Variants in CSMD1 observed in about 807,000 individuals in gnomAD.
CSMD1 encodes CUB and sushi domain-containing protein 1.
A neutral mutation model predicts 417.5 loss-of-function variants in CSMD1; 213 were observed. The observed-to-expected ratio is 0.51, with a 90% CI of 0.46 to 0.57. CSMD1 has a LOEUF of 0.57. CSMD1 is among the 20% of genes least tolerant of loss of function. The pLI, the probability that CSMD1 is intolerant of heterozygous loss-of-function variation, is 0.00. For synonymous variants in CSMD1, 2,862 were observed against 1,736.8 expected (o/e 1.65, Z -16.11); for missense variants, 6,923 against 4,529.7 (o/e 1.53, Z -15.17).
intron 1 of CSMD1, among the ~76,000 whole-genome samples, chr8:4,839,111 C>G (rs929942425): frequency 4.6e-5 from 7 of 152,156 alleles, no homozygotes; most frequent in Admixed American, 2.6e-4. Flanking sequence ...TTTCCCACCT[C>G]AAACTCCACG....
At chr8:4,632,973 A>T (rs1036703600) in intron 2 of CSMD1, among the ~76,000 whole-genome samples, 2 of 152,180 alleles carry the variant, frequency 1.3e-5, no homozygotes, top group African/African-American at 4.8e-5. Context: ...TGAAGGACAG[A>T]ATGCAGTTTG....
chr8:4,559,629 C>CT (rs1798240882), intron 2 of CSMD1, among the ~76,000 whole-genome samples: 1 of 152,180 alleles, frequency 6.6e-6, no homozygotes, highest in African/African-American at 2.4e-5. Flanking sequence ...TATAACCAAG[C>CT]ATATAATAAA....
intron 3 of CSMD1, among the ~76,000 whole-genome samples, chr8:4,169,082 C>G (rs955417035): frequency 6.6e-6 from 1 of 152,186 alleles, no homozygotes; most frequent in Admixed American, 6.5e-5. Context: ...TACCTGTAAG[C>G]CTGCTGGCTT....
chr8:4,951,086 T>A (rs866367170), intron 1 of CSMD1, among the ~76,000 whole-genome samples: 1 of 151,474 alleles, frequency 6.6e-6, no homozygotes, highest in Non-Finnish European at 1.5e-5. Context: ...AAGAATGAGA[T>A]TTAGACAATG....
At chr8:3,322,114 T>G (rs968809085) in intron 23 of CSMD1, among the ~76,000 whole-genome samples, 1 of 152,228 alleles carries the variant, frequency 6.6e-6, no homozygotes, top group Non-Finnish European at 1.5e-5. Context: ...TTCAGTGTTA[T>G]GAATACCAAA....
intron 3 of CSMD1, among the ~76,000 whole-genome samples, chr8:4,131,656 T>A (rs145889020): frequency 1.1e-4 from 17 of 152,064 alleles, no homozygotes; most frequent in African/African-American, 3.9e-4. Context: ...TAAATAAAAC[T>A]TAAAATGTTA....
intron 12 of CSMD1, among the ~76,000 whole-genome samples, chr8:3,441,809 C>A (rs1343752265): frequency 1.3e-5 from 2 of 150,434 alleles, no homozygotes; most frequent in Non-Finnish European, 1.5e-5. Flanking sequence ...GCTATACTAT[C>A]CATCACTGTT....
intron 5 of CSMD1, among the ~76,000 whole-genome samples, chr8:3,857,060 C>T (rs534475240): frequency 6.6e-6 from 1 of 151,854 alleles, no homozygotes; most frequent in African/African-American, 2.4e-5. Flanking sequence ...ATATCCCACA[C>T]TTACTTCAGG....
At position 4,666,125 on chromosome 8, in the gene CSMD1, C is replaced by A. The variant is rs374227644; in HGVS notation, c.86-28567G>T. ...GTGGTGACTGGGGGGCGCTGAGCAT[C>A]TTCTGATGTGCCTGTCATACAGCAC... On this transcript the variant is annotated intron_variant, in intron 1 of 69. Transcript: ENST00000635120. Among the ~76,000 whole-genome samples the A allele has an allele frequency of 2.6e-5, 4 of 152,214 alleles. No individual in the cohort carries two copies. The East Asian group carries it at 5.8e-4, about 22-fold the overall frequency.
At chr8:4,903,159 T>C (rs540811907) in intron 1 of CSMD1, among the ~76,000 whole-genome samples, 3 of 152,298 alleles carry the variant, frequency 2.0e-5, no homozygotes, top group East Asian at 3.9e-4. Flanking sequence ...TTGAACAGTT[T>C]GTAATGCAAT....
At chr8:3,065,520 G>A (rs985391676) in intron 49 of CSMD1, among the ~76,000 whole-genome samples, 1 of 152,128 alleles carries the variant, frequency 6.6e-6, no homozygotes, top group South Asian at 2.1e-4. Context: ...AAGATGATAG[G>A]AAGATGGATA....
At chr8:3,399,720 C>T (rs1470151582) in intron 15 of CSMD1, among the ~76,000 whole-genome samples, 191 bp from the exon 16 acceptor site, 5 of 152,200 alleles carry the variant, frequency 3.3e-5, no homozygotes, top group Non-Finnish European at 7.3e-5. Context: ...CCTCCATGTA[C>T]TTACCATTAC....
intron 25 of CSMD1, among the ~76,000 whole-genome samples, chr8:3,295,630 T>G (rs1410934757): frequency 5.9e-5 from 9 of 152,346 alleles, no homozygotes; most frequent in Middle Eastern, 3.4e-3. Flanking sequence ...GCCAGCATGA[T>G]AAAGCAGATT....
intron 7 of CSMD1, among the ~76,000 whole-genome samples, chr8:3,696,426 G>C (rs1165835265): frequency 1.3e-5 from 2 of 152,144 alleles, no homozygotes; most frequent in Non-Finnish European, 2.9e-5. Flanking sequence ...TCTGACATAA[G>C]CTACCATGGA....
intron 5 of CSMD1, among the ~76,000 whole-genome samples, chr8:3,810,993 T>C (rs977233124): frequency 3.9e-5 from 6 of 152,236 alleles, no homozygotes; most frequent in Admixed American, 1.3e-4. Context: ...TTTAAAGCTA[T>C]GAATTAACAC....
At position 4,221,987 on chromosome 8, in the gene CSMD1, C is replaced by G. The variant is rs1171404192; in HGVS notation, c.416-189888G>C. ...ATCTGCAATGGAGGAAGCTGTCCAC[C>G]CAACGGTCTGTCCCTACACCACATA... On this transcript the variant is annotated intron_variant, in intron 3 of 69. Coordinates refer to ENST00000635120, the MANE Select transcript of CSMD1 (RefSeq NM_033225.6). 3.3e-5 allele frequency among the ~76,000 whole-genome samples: 5 copies of G among 152,074 alleles called. No individual in the cohort carries two copies. In the East Asian group the frequency reaches 7.7e-4, roughly 24 times the overall value.
At chr8:3,684,879 G>T (rs745319941) in intron 7 of CSMD1, among the ~76,000 whole-genome samples, 33 of 151,948 alleles carry the variant, frequency 2.2e-4, no homozygotes, top group Non-Finnish European at 1.5e-5. Flanking sequence ...ATACTTTATT[G>T]CAGTTCTAAA....
At chr8:3,178,666 T>A (rs1821093049) in intron 37 of CSMD1, among the ~76,000 whole-genome samples, 1 of 152,162 alleles carries the variant, frequency 6.6e-6, no homozygotes, top group Non-Finnish European at 1.5e-5. Context: ...TAGGGCTGTT[T>A]TAAGGACAAA....
In CSMD1 at chr8:4,605,720, TC is replaced by T. The variant is rs368948079; in HGVS notation, c.302+31621del. 3.2e-3 allele frequency among the ~76,000 whole-genome samples: 487 copies of T among 152,316 alleles called. 3 individuals carry two copies. The highest frequency in any genetic ancestry group is 0.011 in the African/African-American group (455 of 41,566). On this transcript the variant is annotated intron_variant, in intron 2 of 69. Transcript: ENST00000635120. ...AGAATGCATAAAAAGAATGGTTGTCTCATATCCACGATCTGTGACTTGTAAA... is the reference window on the plus strand; with the variant it reads ...AGAATGCATAAAAAGAATGGTTGTCTATATCCACGATCTGTGACTTGTAAA...
Sources: gnomAD v4.1 joint callset for allele counts (sites outside exome capture counted in the v4.1 genomes callset) on GRCh38, gnomAD v4.1.1 for gene constraint, MANE v1.5 for transcripts, NCBI Gene and HGNC (gene_info 2026-07-23, HGNC 2026-07-21) for gene names.